Variants in AHNAK observed in about 807,000 individuals in gnomAD.
AHNAK encodes the protein neuroblast differentiation-associated protein AHNAK.
In AHNAK, 23 loss-of-function variants were observed where a neutral mutation model predicts 37.8. The observed-to-expected ratio is 0.61, with a 90% CI of 0.44 to 0.86. AHNAK has a LOEUF of 0.86. AHNAK is among the 40% of genes least tolerant of loss of function. The pLI is 0.00. For synonymous variants in AHNAK, 2,481 were observed against 2,636.3 expected (o/e 0.94, Z 1.80); for missense variants, 7,411 against 7,319.4 (o/e 1.01, Z -0.46).
Position 62,527,508 on chromosome 11 carries a change from A to T in AHNAK, c.6909T>A (p.Pro2303=), listed in dbSNP as rs2134224727. 2.5e-6 allele frequency: 4 copies of T among 1,613,780 alleles called. No individual in the cohort carries two copies. The highest frequency in any genetic ancestry group is 3.4e-6 in the Non-Finnish European group (4 of 1,179,936). Residue 2303 remains proline (P), a synonymous_variant, in exon 5 of 5, where the codon CCT becomes CCA. Coordinates refer to ENST00000378024, the MANE Select transcript of AHNAK (RefSeq NM_001620.3). ...GKLKGPKFKM[P]EMHFKTPKIS... is the part of the protein sequence containing the mutation. ...TCTTGGGGGTCTTGAAGTGCATCTC[A>T]GGCATCTTAAACTTGGGGCCCTTCA...
chr11:62,491,100 T>C (rs1939497965), intron 5 of AHNAK, among the ~76,000 whole-genome samples: 1 of 152,186 alleles, frequency 6.6e-6, no homozygotes. Context: ...CTCCTGATTC[T>C]TAAATGTTTG....
At chr11:62,514,230 C>CACTT (rs1939965444), downstream of AHNAK, among the ~76,000 whole-genome samples, 1 of 152,176 alleles carries the variant, frequency 6.6e-6, no homozygotes, top group Non-Finnish European at 1.5e-5. Context: ...CACCGTCACC[C>CACTT]ACTTACCCCA....
At position 62,523,484 on chromosome 11, in the gene AHNAK, C is replaced by G. The variant is rs757883070; in HGVS notation, c.10933G>C (p.Val3645Leu). 1.2e-6 allele frequency: 2 copies of G among 1,613,240 alleles called. No homozygotes were observed. Among genetic ancestry groups the G allele is most frequent in the Admixed American group, 1.7e-5 (1 of 59,900 alleles). ...TTTGCATCTGGACCTTCAATATTCA[C>G]GTCTGGAACATCAACGTCTACATTG... ...GPNVDVDVPD[V>L]NIEGPDAKLK... The change falls in exon 5 of 5, where the codon GTG (valine) becomes CTG (leucine). Residue 3645 changes from valine (V) to leucine (L), a missense_variant. By Grantham distance (32) the Val-to-Leu change is conservative. Transcript: ENST00000378024.
intron 5 of AHNAK, among the ~76,000 whole-genome samples, chr11:62,454,900 G>T (rs1443174931): frequency 6.6e-6 from 1 of 151,150 alleles, no homozygotes. Flanking sequence ...TCCACTGAAG[G>T]CTCAGATTTG....
rs146046908 is a variant in AHNAK at position 62,522,286 on chromosome 11, A to G, written c.12131T>C (p.Ile4044Thr). ...ATGAACATCCACATCTGGGGCATCA[A>G]TGTCCACTTTGGGGCCCTTGATGTC... ...EVDIKGPKVDIDAPDVDVHGP... is the reference protein window; with the variant it reads ...EVDIKGPKVDTDAPDVDVHGP... Residue 4044 changes from isoleucine to threonine, a missense_variant, in exon 5 of 5, where the codon ATT (isoleucine) becomes ACT (threonine). Coordinates refer to ENST00000378024, the MANE Select transcript of AHNAK (RefSeq NM_001620.3). 92 of 1,613,146 alleles carry G rather than the reference A, an allele frequency of 5.7e-5. No homozygotes were observed. Among genetic ancestry groups the G allele is most frequent in the Middle Eastern group, 5.0e-4 (3 of 6,054 alleles).
At chr11:62,496,901 G>T (rs1488899048) in intron 4 of AHNAK, among the ~76,000 whole-genome samples, 1 of 150,938 alleles carries the variant, frequency 6.6e-6, no homozygotes, top group Non-Finnish European at 1.5e-5. Flanking sequence ...AGGAAAGAAA[G>T]AAAGAAAAGA....
At position 62,517,298 on chromosome 11, in the gene AHNAK, G is replaced by A. The variant is rs774788987; in HGVS notation, c.17119C>T (p.Leu5707=). Residue 5707 remains leucine, a synonymous_variant, in exon 5 of 5, where the codon CTG becomes TTG. Coordinates refer to ENST00000378024, the MANE Select transcript of AHNAK (RefSeq NM_001620.3). ...GGCATTTTGATCTTGGACTTTTTCA[G>A]TTTGACTTCAGACTCTTCCCACTCG... ...DGEWEESEVK[L]KKSKIKMPKF... 1 of 1,614,090 alleles carries A rather than the reference G, an allele frequency of 6.2e-7. No homozygotes were observed. The highest frequency in any genetic ancestry group is 8.5e-7 in the Non-Finnish European group (1 of 1,180,018).
intron 5 of AHNAK, among the ~76,000 whole-genome samples, chr11:62,490,153 A>C (rs1939477380): frequency 6.6e-6 from 1 of 151,620 alleles, no homozygotes; most frequent in Non-Finnish European, 1.5e-5. Flanking sequence ...GCACCACAGC[A>C]AGAGGGGTTC....
At chr11:62,477,417 C>A (rs1364258346) in intron 5 of AHNAK, among the ~76,000 whole-genome samples, 2 of 152,150 alleles carry the variant, frequency 1.3e-5, no homozygotes, top group Non-Finnish European at 2.9e-5. Context: ...GGGTACTGAA[C>A]TTAATTCCTG....
rs1212868869 is a variant in AHNAK, at chr11:62,526,364, C to T, written c.8053G>A (p.Gly2685Arg). The T allele has an allele frequency of 1.2e-5, 19 of 1,611,164 alleles. No individual in the cohort carries two copies. The highest frequency in any genetic ancestry group is 1.7e-5 in the Admixed American group (1 of 59,654). ...DIEGPDVNIE[G>R]PEGKLKGPKF... Reference sequence around the variant, plus strand: ...GGCCCTTTCAACTTTCCCTCTGGTCCTTCAATGTTAACATCAGGGCCTTCA... The same window carrying T: ...GGCCCTTTCAACTTTCCCTCTGGTCTTTCAATGTTAACATCAGGGCCTTCA... The change falls in exon 5 of 5, where the codon GGA becomes AGA. Residue 2685 changes from glycine to arginine, a missense_variant. By Grantham distance (125) the Gly-to-Arg change is moderately radical. Transcript: ENST00000378024.
At chr11:62,466,401 C>A (rs1269661109) in intron 5 of AHNAK, among the ~76,000 whole-genome samples, 1 of 152,078 alleles carries the variant, frequency 6.6e-6, no homozygotes, top group Non-Finnish European at 1.5e-5. Context: ...GCCAGCTACA[C>A]ACCTGGCCTC....
At chr11:62,461,494 A>G (rs1292974373) in intron 5 of AHNAK, among the ~76,000 whole-genome samples, 1 of 152,206 alleles carries the variant, frequency 6.6e-6, no homozygotes, top group Non-Finnish European at 1.5e-5. Flanking sequence ...TAATCAATCT[A>G]GAGATCATAA....
chr11:62,441,467 T>C (rs1938304177), intron 5 of AHNAK, among the ~76,000 whole-genome samples: 1 of 152,002 alleles, frequency 6.6e-6, no homozygotes, highest in African/African-American at 2.4e-5. Flanking sequence ...AGTCAGAACC[T>C]GTCTCAAAAA....
intron 5 of AHNAK, among the ~76,000 whole-genome samples, chr11:62,465,385 T>C (rs757563508): frequency 9.2e-5 from 14 of 151,880 alleles, no homozygotes; most frequent in Non-Finnish European, 1.8e-4. Context: ...GAGGCCGAGG[T>C]GGGTGGATCA....
At chr11:62,492,111 G>T (rs556180497) in intron 4 of AHNAK, among the ~76,000 whole-genome samples, 12 of 152,202 alleles carry the variant, frequency 7.9e-5, no homozygotes, top group Admixed American at 7.2e-4. Context: ...TGCTATCTCC[G>T]GTTCATCCAC....
At chr11:62,483,942 C>T (rs907460998) in intron 5 of AHNAK, among the ~76,000 whole-genome samples, 1 of 144,938 alleles carries the variant, frequency 6.9e-6, no homozygotes, top group African/African-American at 2.5e-5. Flanking sequence ...GAGGCTGAGG[C>T]AGGAGAATGG....
chr11:62,503,658 G>A (rs995357799), intron 4 of AHNAK, among the ~76,000 whole-genome samples: 9 of 151,988 alleles, frequency 5.9e-5, no homozygotes, highest in South Asian at 2.1e-4. Context: ...CTGGGTTGCC[G>A]GCAAGGTCTG....
intron 5 of AHNAK, among the ~76,000 whole-genome samples, chr11:62,439,154 C>T (rs1179741522): frequency 1.5e-5 from 2 of 135,756 alleles, no homozygotes; most frequent in East Asian, 2.3e-4. Flanking sequence ...AGTGCAATGG[C>T]GTGATCTCCG....
intron 5 of AHNAK, among the ~76,000 whole-genome samples, chr11:62,487,623 T>C (rs17157332): frequency 3.9e-5 from 6 of 152,028 alleles, no homozygotes; most frequent in African/African-American, 1.5e-4. Context: ...CAACCTCCCA[T>C]GATGTCTTGA....
Sources: allele counts gnomAD v4.1 joint callset (sites outside exome capture counted in the v4.1 genomes callset), GRCh38; gene constraint gnomAD v4.1.1; transcripts MANE v1.5; gene names NCBI Gene and HGNC (gene_info 2026-07-23, HGNC 2026-07-21).